Variants in CLSTN2 observed in about 807,000 individuals in gnomAD.
CLSTN2 encodes calsyntenin-2.
Under a neutral mutation model 101.2 loss-of-function variants are expected in CLSTN2, and 48 were observed. The observed-to-expected ratio is 0.47, with a 90% CI of 0.38 to 0.60. The LOEUF (loss-of-function observed/expected upper bound fraction) is 0.60. Among genes scored for constraint, CLSTN2 ranks in the 20% least tolerant of loss-of-function variants. The pLI is 0.00. For missense variants in CLSTN2, 1,160 were observed against 1,238.2 expected (o/e 0.94, Z 0.95); for synonymous variants, 481 against 463.6 (o/e 1.04, Z -0.48).
At chr3:140,146,987 A>T (rs2009790015) in intron 1 of CLSTN2, among the ~76,000 whole-genome samples, 1 of 152,234 alleles carries the variant, frequency 6.6e-6, no homozygotes, top group Admixed American at 6.5e-5. Flanking sequence ...AGCTGGCACC[A>T]TGAAAGGAAC....
chr3:140,243,703 G>A (rs984746887), intron 2 of CLSTN2, among the ~76,000 whole-genome samples: 1 of 152,218 alleles, frequency 6.6e-6, no homozygotes, highest in Non-Finnish European at 1.5e-5. Context: ...GCTTCTCAAA[G>A]TGAAGTCCAT....
intron 1 of CLSTN2, among the ~76,000 whole-genome samples, chr3:140,055,101 C>T (rs1445240445): frequency 3.3e-5 from 5 of 152,220 alleles, no homozygotes; most frequent in African/African-American, 1.2e-4. Flanking sequence ...AGGAAAGCAG[C>T]TCAGTGATGT....
chr3:140,011,288 C>G (rs1227879257), intron 1 of CLSTN2, among the ~76,000 whole-genome samples: 1 of 152,202 alleles, frequency 6.6e-6, no homozygotes, highest in Non-Finnish European at 1.5e-5. Flanking sequence ...CACACCTCCT[C>G]TGCTGGAGTT....
intron 2 of CLSTN2, among the ~76,000 whole-genome samples, chr3:140,315,182 C>A (rs572882806): frequency 2.6e-5 from 4 of 152,316 alleles, no homozygotes; most frequent in African/African-American, 9.6e-5. Context: ...TCTGCACATG[C>A]ACCAACCAGA....
chr3:140,111,612 G>C (rs928524315), intron 1 of CLSTN2, among the ~76,000 whole-genome samples: 1 of 151,770 alleles, frequency 6.6e-6, no homozygotes, highest in African/African-American at 2.4e-5. Context: ...TTCCTGCCCC[G>C]AGCTCCTGAT....
chr3:139,977,042 A>G (rs1411101550), intron 1 of CLSTN2, among the ~76,000 whole-genome samples: 2 of 152,120 alleles, frequency 1.3e-5, no homozygotes, highest in Non-Finnish European at 2.9e-5. Context: ...TCCATTTGCA[A>G]ACAGGAATCA....
At chr3:140,089,658 G>A (rs1354631417) in intron 1 of CLSTN2, among the ~76,000 whole-genome samples, 1 of 151,132 alleles carries the variant, frequency 6.6e-6, no homozygotes, top group African/African-American at 2.4e-5. Flanking sequence ...CATTGTCCAG[G>A]CTAGAGTGCA....
chr3:140,520,351 C>T (rs184338550), intron 8 of CLSTN2, among the ~76,000 whole-genome samples: 1 of 152,304 alleles, frequency 6.6e-6, no homozygotes, highest in East Asian at 1.9e-4. Flanking sequence ...GACTTACTTA[C>T]CATTCCACAT....
rs536993684 is a variant in CLSTN2 at position 140,567,690 on chromosome 3, T to A, written c.*1437T>A. 6.6e-6 allele frequency: 1 copy of A among 152,372 alleles called. No individual in the cohort carries two copies. The highest frequency in any genetic ancestry group is 1.5e-5 in the Non-Finnish European group (1 of 68,054). The allele number at this position is 152,372 out of a possible 1,614,324, so 9.4% of individuals were successfully genotyped here. A position where few individuals can be genotyped will look rare whatever the true frequency, so the allele number is the denominator to read the frequency against. ...ATGTCTGATTCCTCTTTGTCATCAA[T>A]GTGTATGCTCTGTCCCCATCCTTCA... On this transcript the variant is annotated 3_prime_UTR_variant, in exon 17 of 17. Coordinates refer to ENST00000458420, the MANE Select transcript of CLSTN2 (RefSeq NM_022131.3).
chr3:140,286,344 A>T (rs1421850342), intron 2 of CLSTN2, among the ~76,000 whole-genome samples: 1 of 152,138 alleles, frequency 6.6e-6, no homozygotes, highest in Non-Finnish European at 1.5e-5. Flanking sequence ...CTCCTCCACA[A>T]ATCAGTTAAG....
intron 2 of CLSTN2, among the ~76,000 whole-genome samples, chr3:140,180,209 A>G (rs2010387532): frequency 6.6e-6 from 1 of 152,340 alleles, no homozygotes; most frequent in East Asian, 1.9e-4. Flanking sequence ...AGGGGAGATA[A>G]CTAACTCAGA....
intron 10 of CLSTN2, among the ~76,000 whole-genome samples, chr3:140,548,638 G>A (rs1242836527): frequency 1.3e-5 from 2 of 152,226 alleles, no homozygotes; most frequent in East Asian, 3.8e-4. Context: ...TGAGTGATGA[G>A]AGAGGGCTGA....
intron 6 of CLSTN2, chr3:140,452,661 G>A (rs1933280055): frequency 6.6e-6 from 1 of 152,314 alleles, no homozygotes; most frequent in South Asian, 2.1e-4. Flanking sequence ...GCTGTCAGGA[G>A]GTACCTGAGT....
chr3:140,315,682 G>A (rs2087222442), intron 2 of CLSTN2, among the ~76,000 whole-genome samples: 1 of 152,158 alleles, frequency 6.6e-6, no homozygotes. Flanking sequence ...TCCACAGAGT[G>A]GCTGTTACTT....
intron 2 of CLSTN2, among the ~76,000 whole-genome samples, chr3:140,251,783 G>A (rs536721513): frequency 9.3e-4 from 142 of 152,196 alleles, no homozygotes; most frequent in African/African-American, 3.3e-3. Context: ...TCAGTGAGGG[G>A]AACAAAGAAG....
intron 10 of CLSTN2, among the ~76,000 whole-genome samples, chr3:140,547,484 GGAAGAAGAA>G (rs906830156): frequency 1.3e-5 from 2 of 151,490 alleles, no homozygotes; most frequent in Non-Finnish European, 2.9e-5. Context: ...AAAAAAAAGA[GGAAGAAGAA>G]GAAGAAGAAA....
chr3:140,461,669 G>A (rs1006904162), intron 7 of CLSTN2, among the ~76,000 whole-genome samples: 6 of 152,078 alleles, frequency 3.9e-5, no homozygotes, highest in Non-Finnish European at 5.9e-5. Flanking sequence ...TTGTAAAAAT[G>A]TGTAGATGCT....
chr3:140,420,320 T>TC (rs2088486710), intron 4 of CLSTN2, among the ~76,000 whole-genome samples: 2 of 152,042 alleles, frequency 1.3e-5, no homozygotes, highest in Non-Finnish European at 2.9e-5. Context: ...AGGAATGAAA[T>TC]TATTCTCAGC....
intron 1 of CLSTN2, among the ~76,000 whole-genome samples, chr3:140,084,816 C>G (rs903571863): frequency 6.6e-6 from 1 of 152,200 alleles, no homozygotes; most frequent in Non-Finnish European, 1.5e-5. Flanking sequence ...TCTACTCCTG[C>G]TTACCTACTT....
Sources: allele counts gnomAD v4.1 joint callset (sites outside exome capture counted in the v4.1 genomes callset), GRCh38; gene constraint gnomAD v4.1.1; transcripts MANE v1.5; gene names NCBI Gene and HGNC (gene_info 2026-07-23, HGNC 2026-07-21).